PLAT: variants seen among roughly 807,000 people sequenced by gnomAD.
PLAT encodes plasminogen activator, tissue type.
A neutral mutation model predicts 74.9 loss-of-function variants in PLAT; 48 were observed. The observed-to-expected ratio is 0.64, with a 90% CI of 0.51 to 0.82. The LOEUF (loss-of-function observed/expected upper bound fraction) is 0.82, where lower values mean the gene tolerates loss of function less well. Among genes scored for constraint, PLAT ranks in the 40% least tolerant of loss-of-function variants. The pLI is 0.00. For missense variants in PLAT, 673 were observed against 736.2 expected, an observed-to-expected ratio of 0.91 and a Z score of 0.99; for synonymous variants, 307 against 294.4, an observed-to-expected ratio of 1.04 and a Z score of -0.44.
At chr8:42,203,682 G>A (rs899769128) in intron 1 of PLAT, among the ~76,000 whole-genome samples, 1 of 151,998 alleles carries the variant, frequency 6.6e-6, no homozygotes, top group African/African-American at 2.4e-5. Flanking sequence ...TCACTAAGAG[G>A]GACTGGGCAC....
chr8:42,181,399 C>T (rs780366573), intron 9 of PLAT, among the ~76,000 whole-genome samples: 16 of 152,186 alleles, frequency 1.1e-4, no homozygotes, highest in Admixed American at 1.3e-4. Flanking sequence ...CAACAGGAAA[C>T]GTGGAAGATC....
At position 42,203,982 on chromosome 8, in the gene PLAT, TATATATATATACACACACACAC is replaced by T. The variant is rs898606268; in HGVS notation, c.-27+3490_-27+3511del. ...CTTGTCTCTAAATTATATATATATA[TATATATATATACACACACACAC>T]ACACACACACACACACACACACACA... On this transcript the variant is annotated intron_variant, in intron 1 of 13. Transcript: ENST00000220809. Among the ~76,000 whole-genome samples, 7 of 121,136 alleles carry T rather than the reference TATATATATATACACACACACAC, an allele frequency of 5.8e-5. 1 individual carries two copies. Among genetic ancestry groups the T allele is most frequent in the African/African-American group, 3.6e-4 (7 of 19,328 alleles). 79.5% of individuals were successfully genotyped at this position (121,136 alleles called of 152,430 possible).
At chr8:42,205,201 G>A (rs1806284751) in intron 1 of PLAT, among the ~76,000 whole-genome samples, 1 of 152,110 alleles carries the variant, frequency 6.6e-6, no homozygotes. Context: ...ACGCATATCT[G>A]ATTGCTTCCT....
rs138863054 is a variant in PLAT, at chr8:42,202,926, C to T, written c.-27+4568G>A. ...CTCCAGACAGAGCACATCCCCACGG[C>T]TTGGCTCTGGGCCACAGCAAGCACA... On this transcript the variant is annotated intron_variant, in intron 1 of 13. Transcript: ENST00000220809. Among the ~76,000 whole-genome samples, 256 of 152,284 alleles carry T rather than the reference C, an allele frequency of 1.7e-3. 1 individual carries two copies. The East Asian group carries it at 0.032, about 19-fold the overall frequency.
At position 42,176,073 on chromosome 8, in the gene PLAT, A is replaced by G; in HGVS notation, c.1609T>C (p.Cys537Arg). The G allele has an allele frequency of 6.2e-7, 1 of 1,614,092 alleles. No individual in the cohort carries two copies. Among genetic ancestry groups the G allele is most frequent in the Non-Finnish European group, 8.5e-7 (1 of 1,179,952 alleles). ...ACACCCGGGACATCCTTCTGTCCAC[A>G]GCCCAGGCCCCAGCTGATGATGCCC... is the stretch of plus-strand genomic sequence containing the variant. ...LVGIISWGLGCGQKDVPGVYT... is the reference protein window; with the variant it reads ...LVGIISWGLGRGQKDVPGVYT... Residue 537 changes from cysteine (C) to arginine (R), a missense_variant, in exon 14 of 14, where the codon TGT (cysteine) becomes CGT (arginine). Physicochemically the swap from Cys to Arg is radical, Grantham distance 180. Transcript: ENST00000220809.
chr8:42,200,717 G>A (rs1806097601), intron 1 of PLAT, among the ~76,000 whole-genome samples: 1 of 150,734 alleles, frequency 6.6e-6, no homozygotes, highest in Non-Finnish European at 1.5e-5. Flanking sequence ...GCTGTACGGT[G>A]ACACATCTTG....
chr8:42,187,205 C>A, intron 6 of PLAT, 193 bp downstream of exon 6: 1 of 493,510 alleles, frequency 2.0e-6, no homozygotes. Flanking sequence ...TTTATCTAAT[C>A]TATCACCTAT....
rs928742057 is a variant in PLAT at position 42,188,979 on chromosome 8, A to G, written c.208T>C (p.Trp70Arg). ...VLRSNRVEYC[W>R]CNSGRAQCHS... ...CACTGTGCCCTGCCACTGTTGCACCAGCAATATTCCACCCGGTTGCTTCTG... is the reference window on the plus strand; with the variant it reads ...CACTGTGCCCTGCCACTGTTGCACCGGCAATATTCCACCCGGTTGCTTCTG... The change falls in exon 4 of 14, where the codon TGG becomes CGG. Residue 70 changes from tryptophan (W) to arginine (R), a missense_variant. Transcript: ENST00000220809. 6.2e-7 allele frequency: 1 copy of G among 1,614,102 alleles called. No homozygotes were observed. Among genetic ancestry groups the G allele is most frequent in the African/African-American group, 1.3e-5 (1 of 75,042 alleles).
intron 13 of PLAT, among the ~76,000 whole-genome samples, chr8:42,176,915 T>G (rs992632317): frequency 6.6e-6 from 1 of 152,236 alleles, no homozygotes; most frequent in Non-Finnish European, 1.5e-5. Flanking sequence ...TTTAGAAGTT[T>G]GCTGATGTTT....
chr8:42,187,570 TA>T lies in PLAT; in HGVS notation c.366del (p.Asp122GlufsTer121). The T allele has an allele frequency of 6.3e-7, 1 of 1,592,088 alleles. No homozygotes were observed. The highest frequency in any genetic ancestry group is 8.6e-7 in the Non-Finnish European group (1 of 1,166,086). On this transcript the variant is annotated frameshift_variant and splice_region_variant, in exon 6 of 14. Coordinates refer to ENST00000220809, the MANE Select transcript of PLAT (RefSeq NM_000930.5). LOFTEE classifies it high-confidence loss of function. ...EGFAGKCCEI[D>X]TRATCYEDQG... is the part of the protein sequence containing the mutation. Reference sequence around the variant, plus strand: ...TGGTCCTCGTAGCACGTGGCCCTGGTATCTGACAGAGAGCAGGGCATGGATG... The same window carrying T: ...TGGTCCTCGTAGCACGTGGCCCTGGTTCTGACAGAGAGCAGGGCATGGATG...
At chr8:42,186,028 T>C (rs954987177) in intron 6 of PLAT, 1 of 151,934 alleles carries the variant, frequency 6.6e-6, no homozygotes, top group Non-Finnish European at 1.5e-5. Flanking sequence ...TAAATGTCTA[T>C]CTATCTAGTG....
chr8:42,182,939 C>T (rs138407110), intron 7 of PLAT, 49 bp from the exon 8 acceptor site: 2 of 1,502,894 alleles, frequency 1.3e-6, no homozygotes, highest in Non-Finnish European at 9.2e-7. Context: ...TTCTGAAGCA[C>T]GCAAGTCAGG....
At chr8:42,182,107 G>A (rs1805272759) in intron 8 of PLAT, 85 bp from the exon 9 acceptor site, 5 of 850,554 alleles carry the variant, frequency 5.9e-6, no homozygotes, top group Non-Finnish European at 9.6e-6. Context: ...ATGTTGCCCA[G>A]GCTGGTCTTG....
At chr8:42,189,164 CTT>C in intron 3 of PLAT, 93 bp from the exon 4 acceptor site, 1 of 1,324,372 alleles carries the variant, frequency 7.6e-7, no homozygotes, top group East Asian at 2.3e-5. Context: ...CCCTCACTTG[CTT>C]TCTATAGACT....
intron 1 of PLAT, among the ~76,000 whole-genome samples, chr8:42,197,324 C>T (rs1390306215): frequency 1.3e-5 from 2 of 152,188 alleles, no homozygotes; most frequent in Admixed American, 6.5e-5. Context: ...GCCTGGAAGC[C>T]GTGTTTGGTC....
intron 13 of PLAT, among the ~76,000 whole-genome samples, chr8:42,178,518 C>A (rs1805069177): frequency 6.6e-6 from 1 of 152,226 alleles, no homozygotes; most frequent in African/African-American, 2.4e-5. Context: ...GAGCCTCCCA[C>A]CTCAGCCTCC....
intron 1 of PLAT, among the ~76,000 whole-genome samples, chr8:42,204,638 C>T (rs1376998772): frequency 6.6e-6 from 1 of 151,208 alleles, no homozygotes; most frequent in Non-Finnish European, 1.5e-5. Flanking sequence ...TCGCTTGAAC[C>T]TGGGAGGTGG....
At chr8:42,176,958 CTCT>C (rs1337993249) in intron 13 of PLAT, among the ~76,000 whole-genome samples, 2 of 151,840 alleles carry the variant, frequency 1.3e-5, no homozygotes, top group Non-Finnish European at 2.9e-5. Context: ...AAGAACTTCA[CTCT>C]TCTTTTTTTG....
chr8:42,203,060 G>A (rs1806196167), intron 1 of PLAT, among the ~76,000 whole-genome samples: 1 of 152,138 alleles, frequency 6.6e-6, no homozygotes, highest in Non-Finnish European at 1.5e-5. Context: ...GAATCTCTGA[G>A]TGTTCTAAGG....
Sources: gnomAD v4.1 joint callset for allele counts (sites outside exome capture counted in the v4.1 genomes callset) on GRCh38, gnomAD v4.1.1 for gene constraint, MANE v1.5 for transcripts, NCBI Gene and HGNC (gene_info 2026-07-23, HGNC 2026-07-21) for gene names.